Variants in EWSR1 observed in about 807,000 individuals in gnomAD.
EWSR1 encodes the protein RNA-binding protein EWS.
EWSR1 carries 14 observed loss-of-function variants against 92.1 expected under a neutral mutation model. The ratio of observed to expected loss-of-function variants is 0.15; its 90% CI spans 0.10 to 0.24. EWSR1 has a LOEUF of 0.24. EWSR1 is among the 10% of genes least tolerant of loss of function. The probability of loss-of-function intolerance (pLI) is 1.00; values close to 1 mark genes in which losing one functional copy is unlikely to be tolerated. For synonymous variants in EWSR1, 303 were observed against 292.9 expected (o/e 1.03, Z -0.35); for missense variants, 637 against 870.9 (o/e 0.73, Z 3.38).
Position 29,278,013 on chromosome 22 carries a change from G to C in EWSR1, c.227-17G>C, listed in dbSNP as rs745887556. The C allele has an allele frequency of 5.6e-6, 9 of 1,606,710 alleles. No homozygotes were observed. Among genetic ancestry groups the C allele is most frequent in the Non-Finnish European group, 6.8e-6 (8 of 1,174,690 alleles). On this transcript the variant is annotated splice_polypyrimidine_tract_variant and intron_variant, in intron 4 of 16. Transcript: ENST00000397938. ...CTGAGGGGACCTGAAATCTGATGCA[G>C]CTCTCCTTTGTTCTAGGTTATACTA...
rs760840445 is a variant in EWSR1, at chr22:29,300,165, C to G, written c.*4C>G. The G allele has an allele frequency of 3.1e-6, 5 of 1,607,168 alleles. No homozygotes were observed. The highest frequency in any genetic ancestry group is 4.2e-6 in the Non-Finnish European group (5 of 1,178,714). On this transcript the variant is annotated 3_prime_UTR_variant, in exon 17 of 17. Coordinates refer to ENST00000397938, the MANE Select transcript of EWSR1 (RefSeq NM_005243.4). Reference sequence around the variant, plus strand: ...GCGCAGAGATCGGCCCTACTAGATGCAGAGACCCCGCAGAGCTGCATTGAC... The same window carrying G: ...GCGCAGAGATCGGCCCTACTAGATGGAGAGACCCCGCAGAGCTGCATTGAC...
At position 29,286,657 on chromosome 22, in the gene EWSR1, A is replaced by AGCCTAG. The variant is rs1392232330; in HGVS notation, c.582-263_582-258dup. Among the ~76,000 whole-genome samples, 3 of 134,084 alleles carry AGCCTAG rather than the reference A, an allele frequency of 2.2e-5. No homozygotes were observed. The East Asian group carries it at 6.8e-4, about 30-fold the overall frequency. The allele number at this position is 134,084 out of a possible 152,430, so 88.0% of individuals were successfully genotyped here. The stretch of plus-strand genomic sequence containing the variant: ...ACCGGAGATCACGCCACTGCATTCC[A>AGCCTAG]GCCTAGGCAACAGAGCAACACTCTG... On this transcript the variant is annotated intron_variant, in intron 6 of 16. Transcript: ENST00000397938.
rs370029815 is a variant in EWSR1 at position 29,300,119 on chromosome 22, C to T, written c.1932-3C>T. The T allele has an allele frequency of 2.4e-5, 39 of 1,603,006 alleles. No homozygotes were observed. In the African/African-American group the frequency reaches 4.2e-4, roughly 17 times the overall value. ...TAACCGAAGGGCCCTCTTTACCTTG[C>T]AGAGGCGAGCACCGTCAGGAGCGCA... On this transcript the variant is annotated splice_region_variant and splice_polypyrimidine_tract_variant and intron_variant, in intron 16 of 16. Transcript: ENST00000397938.
intron 3 of EWSR1, 96 bp downstream of exon 3, chr22:29,272,527 T>C (rs973933631): frequency 1.5e-6 from 2 of 1,292,010 alleles, no homozygotes; most frequent in African/African-American, 1.5e-5. Flanking sequence ...AAATGAGTAA[T>C]GTGTTTGGAA....
chr22:29,286,898 T>A, intron 6 of EWSR1, 25 bp from the exon 7 acceptor site: 1 of 1,586,402 alleles, frequency 6.3e-7, no homozygotes. Context: ...AAAGCTTTTT[T>A]TTTTTTCTCT....
intron 8 of EWSR1, chr22:29,289,785 T>C: frequency 8.6e-6 from 2 of 231,926 alleles, no homozygotes; most frequent in Non-Finnish European, 1.7e-5. Flanking sequence ...TCTTCACTAC[T>C]GAAAGACAGT....
chr22:29,284,896 C>T lies in EWSR1; in HGVS notation c.582-2027C>T, dbSNP rs571012250. Reference sequence around the variant, plus strand: ...GTGCAATGGTGCGATCTTGGCTCACCGCAACCCTCGCCTCCCAGGTTAAAG... The same window carrying T: ...GTGCAATGGTGCGATCTTGGCTCACTGCAACCCTCGCCTCCCAGGTTAAAG... On this transcript the variant is annotated intron_variant, in intron 6 of 16. Transcript: ENST00000397938. Among the ~76,000 whole-genome samples the T allele has an allele frequency of 1.9e-4, 29 of 151,126 alleles. 1 individual carries two copies. The South Asian group carries it at 5.2e-3, about 27-fold the overall frequency.
chr22:29,272,750 G>T (rs980105195), intron 3 of EWSR1, among the ~76,000 whole-genome samples: 15 of 152,328 alleles, frequency 9.8e-5, no homozygotes, highest in African/African-American at 3.6e-4. Context: ...TGCAAAGGAA[G>T]AGGATGATAT....
Position 29,296,307 on chromosome 22 carries a change from C to CTTTCCCAAA in EWSR1, c.1233_1234insTTTCCCAAA (p.Gly411_Asp412insPheProLys), listed in dbSNP as rs2060855365. On this transcript the variant is annotated inframe_insertion, in exon 12 of 17. Coordinates refer to ENST00000397938, the MANE Select transcript of EWSR1 (RefSeq NM_005243.4). ...ACAAGGAAACAGGAAAGCCCAAAGG[C>CTTTCCCAAA]GATGCCACAGTGTCCTATGAAGACC... The CTTTCCCAAA allele has an allele frequency of 6.2e-7, 1 of 1,614,036 alleles. No individual in the cohort carries two copies.
chr22:29,274,925 A>G (rs548964390), intron 4 of EWSR1, among the ~76,000 whole-genome samples: 2 of 152,308 alleles, frequency 1.3e-5, no homozygotes, highest in East Asian at 3.9e-4. Context: ...ACTCTAATAA[A>G]GTCTTAAAGA....
intron 11 of EWSR1, 194 bp from the exon 12 acceptor site, chr22:29,296,045 T>C (rs572463922): frequency 1.8e-6 from 1 of 570,198 alleles, no homozygotes; most frequent in African/African-American, 1.9e-5. Flanking sequence ...TTTGGTCTAC[T>C]TTGGTTTTTA....
chr22:29,289,079 G>A, intron 8 of EWSR1: 1 of 341,296 alleles, frequency 2.9e-6, no homozygotes. Flanking sequence ...AGCCTCTGTG[G>A]GTAGTAGATT....
intron 6 of EWSR1, among the ~76,000 whole-genome samples, chr22:29,284,736 G>A (rs903502428): frequency 3.3e-5 from 5 of 151,188 alleles, no homozygotes; most frequent in African/African-American, 4.9e-5. Context: ...TAGTTTAATC[G>A]GACTTTAAAA....
At chr22:29,291,704 C>CATAATGGTTTTG in intron 9 of EWSR1, 105 bp downstream of exon 9, 1 of 1,143,200 alleles carries the variant, frequency 8.7e-7, no homozygotes, top group Non-Finnish European at 1.3e-6. Flanking sequence ...TAAAAATGAT[C>CATAATGGTTTTG]TATACAAAAG....
At chr22:29,292,021 A>G in intron 9 of EWSR1, 116 bp from the exon 10 acceptor site, 1 of 902,442 alleles carries the variant, frequency 1.1e-6, no homozygotes, top group Admixed American at 1.7e-5. Context: ...GGTCATTTTG[A>G]GTTTAATGAA....
chr22:29,298,768 G>A lies in EWSR1; in HGVS notation c.1453G>A (p.Gly485Ser), dbSNP rs371203156. ...CCCAGGAGGTCCTGGGGGACCCATG[G>A]GTCGCATGGGAGGCCGTGGAGGAGA... is the stretch of plus-strand genomic sequence containing the variant. Reference protein sequence around the residue: ...GGPGGPGGPMGRMGGRGGDRG... With the variant: ...GGPGGPGGPMSRMGGRGGDRG... Residue 485 changes from glycine to serine, a missense_variant, in exon 14 of 17, where the codon GGT (glycine) becomes AGT (serine). By Grantham distance (56) the Gly-to-Ser change is moderately conservative. Coordinates refer to ENST00000397938, the MANE Select transcript of EWSR1 (RefSeq NM_005243.4). 2 of 1,613,652 alleles carry A rather than the reference G, an allele frequency of 1.2e-6. No homozygotes were observed. Among genetic ancestry groups the A allele is most frequent in the Non-Finnish European group, 1.7e-6 (2 of 1,179,954 alleles).
At chr22:29,278,542 C>T (rs1263551285) in intron 5 of EWSR1, among the ~76,000 whole-genome samples, 5 of 151,588 alleles carry the variant, frequency 3.3e-5, no homozygotes, top group African/African-American at 1.2e-4. Flanking sequence ...GCAAAAATAC[C>T]GGGGGGGCGC....
intron 6 of EWSR1, among the ~76,000 whole-genome samples, chr22:29,282,903 C>T (rs2059722826): frequency 1.3e-5 from 2 of 151,820 alleles, no homozygotes; most frequent in South Asian, 2.1e-4. Flanking sequence ...GCTGGGACTA[C>T]GGGTGCCCGC....
intron 5 of EWSR1, among the ~76,000 whole-genome samples, chr22:29,281,848 G>C: frequency 6.6e-6 from 1 of 152,126 alleles, no homozygotes; most frequent in Non-Finnish European, 1.5e-5. Context: ...GCCTCCCAAA[G>C]TGCTGGGATT....
Sources: gnomAD v4.1 joint callset for allele counts (sites outside exome capture counted in the v4.1 genomes callset) on GRCh38, gnomAD v4.1.1 for gene constraint, MANE v1.5 for transcripts, NCBI Gene and HGNC (gene_info 2026-07-23, HGNC 2026-07-21) for gene names.